The following ERC1 variants were observed in gnomAD, a reference collection of about 807,000 sequenced individuals.
The protein encoded by ERC1 is RAB6 interacting protein 2.
ERC1 carries 56 observed loss-of-function variants against 132.0 expected under a neutral mutation model. The observed-to-expected ratio is 0.42, with a 90% CI of 0.34 to 0.53. ERC1 has a LOEUF of 0.53. Among genes scored for constraint, ERC1 ranks in the 20% least tolerant of loss-of-function variants. ERC1 has a pLI of 0.03. For synonymous variants in ERC1, 478 were observed against 476.1 expected, an observed-to-expected ratio of 1.00 and a Z score of -0.05; for missense variants, 1,202 against 1,349.9, an observed-to-expected ratio of 0.89 and a Z score of 1.72.
intron 15 of ERC1, among the ~76,000 whole-genome samples, chr12:1,354,803 C>T (rs1030712150): frequency 6.6e-5 from 10 of 152,170 alleles, no homozygotes; most frequent in African/African-American, 1.7e-4. Flanking sequence ...GGAGTGCGCC[C>T]GGCTAGTTTT....
chr12:1,458,753 G>A (rs973804160), intron 18 of ERC1, among the ~76,000 whole-genome samples: 3 of 152,096 alleles, frequency 2.0e-5, no homozygotes, highest in African/African-American at 7.2e-5. Context: ...GGTCAGGCTG[G>A]TCTTGAGCTC....
chr12:1,417,809 AAG>A (rs1161687163), intron 17 of ERC1, among the ~76,000 whole-genome samples: 1 of 152,130 alleles, frequency 6.6e-6, no homozygotes, highest in Non-Finnish European at 1.5e-5. Context: ...GATTTTGGAA[AAG>A]AGTTATTTTT....
At chr12:1,198,299 G>A (rs1345158009) in intron 12 of ERC1, among the ~76,000 whole-genome samples, 2 of 152,134 alleles carry the variant, frequency 1.3e-5, no homozygotes, top group African/African-American at 2.4e-5. Context: ...TAGCTTGGGA[G>A]GTTATTTGGT....
chr12:1,314,681 A>G (rs749201226), intron 15 of ERC1, among the ~76,000 whole-genome samples: 1 of 152,208 alleles, frequency 6.6e-6, no homozygotes, highest in Non-Finnish European at 1.5e-5. Flanking sequence ...TAAGAAGTAA[A>G]TATGTAATTT....
chr12:1,091,553 C>T (rs779048867), intron 3 of ERC1, among the ~76,000 whole-genome samples: 2 of 152,132 alleles, frequency 1.3e-5, no homozygotes, highest in Non-Finnish European at 2.9e-5. Flanking sequence ...ATTCACTTAT[C>T]ACGTATTTAC....
chr12:1,494,586 G>A lies in ERC1; in HGVS notation c.*4356G>A, dbSNP rs2094344874. Reference sequence around the variant, plus strand: ...CAACTGTCTCCTGATTTTTTCCAATGTGTTTGGCAAGTGCTGTGGCCCTGT... The same window carrying A: ...CAACTGTCTCCTGATTTTTTCCAATATGTTTGGCAAGTGCTGTGGCCCTGT... On this transcript the variant is annotated 3_prime_UTR_variant, in exon 19 of 19. Transcript: ENST00000360905. The A allele has an allele frequency of 4.3e-6, 1 of 230,902 alleles. No individual in the cohort carries two copies. Among genetic ancestry groups the A allele is most frequent in the African/African-American group, 2.2e-5 (1 of 45,198 alleles). The allele number at this position is 230,902 out of a possible 1,614,324, so 14.3% of individuals were successfully genotyped here.
At chr12:1,482,174 C>G (rs943537936) in intron 18 of ERC1, among the ~76,000 whole-genome samples, 1 of 152,144 alleles carries the variant, frequency 6.6e-6, no homozygotes. Context: ...GGAATCGCTT[C>G]CATCAAGATC....
chr12:1,217,052 ATAAAAGTGCTCCG>A (rs1318413629), intron 12 of ERC1, among the ~76,000 whole-genome samples: 1 of 152,248 alleles, frequency 6.6e-6, no homozygotes, highest in African/African-American at 2.4e-5. Flanking sequence ...GCTTTGCTCC[ATAAAAGTGCTCCG>A]TGCTTTCCTC....
chr12:1,475,080 A>G (rs1190500278), intron 18 of ERC1, among the ~76,000 whole-genome samples: 1 of 152,198 alleles, frequency 6.6e-6, no homozygotes, highest in African/African-American at 2.4e-5. Flanking sequence ...AAAGCCAGAG[A>G]ATTTCTGCCA....
intron 15 of ERC1, among the ~76,000 whole-genome samples, chr12:1,311,579 A>G (rs913576260): frequency 2.6e-5 from 4 of 152,098 alleles, no homozygotes; most frequent in African/African-American, 9.7e-5. Context: ...TCCCGTGAGC[A>G]TCTGAAACAG....
chr12:1,264,668 A>C (rs77687662), intron 14 of ERC1, among the ~76,000 whole-genome samples: 5 of 146,292 alleles, frequency 3.4e-5, no homozygotes, highest in Non-Finnish European at 7.6e-5. Flanking sequence ...TGTCTCAAAC[A>C]AAAAAAAAAA....
intron 8 of ERC1, among the ~76,000 whole-genome samples, chr12:1,169,476 G>A (rs910015585): frequency 6.6e-6 from 1 of 152,224 alleles, no homozygotes; most frequent in East Asian, 1.9e-4. Flanking sequence ...CAGCTGAATC[G>A]CTCCCTCTGT....
chr12:1,421,154 A>G (rs1250535992), intron 17 of ERC1, among the ~76,000 whole-genome samples: 1 of 152,184 alleles, frequency 6.6e-6, no homozygotes, highest in African/African-American at 2.4e-5. Flanking sequence ...TGAAAAATAC[A>G]TAACAAATTG....
chr12:1,154,437 T>C (rs910117313), intron 8 of ERC1, among the ~76,000 whole-genome samples: 3 of 151,702 alleles, frequency 2.0e-5, no homozygotes, highest in Non-Finnish European at 4.4e-5. Context: ...AGACTTAATC[T>C]AAGACCCGAA....
intron 15 of ERC1, among the ~76,000 whole-genome samples, chr12:1,343,110 C>A (rs2084082160): frequency 6.6e-6 from 1 of 152,180 alleles, no homozygotes; most frequent in South Asian, 2.1e-4. Flanking sequence ...CCTGTTTTGA[C>A]AGACAGGAGT....
intron 9 of ERC1, 136 bp downstream of exon 9, chr12:1,180,813 G>A: frequency 9.6e-7 from 1 of 1,039,016 alleles, no homozygotes; most frequent in Non-Finnish European, 1.4e-6. Context: ...CATACGTAGT[G>A]TGAAGGGAAA....
intron 1 of ERC1, among the ~76,000 whole-genome samples, chr12:1,016,204 A>G (rs1965475455): frequency 6.6e-6 from 1 of 152,214 alleles, no homozygotes; most frequent in Admixed American, 6.5e-5. Flanking sequence ...AATTTCACAT[A>G]TAATTATTTA....
intron 15 of ERC1, among the ~76,000 whole-genome samples, chr12:1,307,149 A>G (rs1376035053): frequency 1.3e-5 from 2 of 152,228 alleles, no homozygotes; most frequent in African/African-American, 4.8e-5. Context: ...TCTTAAAGGG[A>G]AAGATAAATC....
intron 4 of ERC1, among the ~76,000 whole-genome samples, chr12:1,105,360 TTTA>T (rs1565975829): frequency 6.6e-6 from 1 of 152,112 alleles, no homozygotes; most frequent in African/African-American, 2.4e-5. Flanking sequence ...TTTATTATTT[TTTA>T]TTTTTATTTT....
Sources: gnomAD v4.1 joint callset for allele counts (sites outside exome capture counted in the v4.1 genomes callset) on GRCh38, gnomAD v4.1.1 for gene constraint, MANE v1.5 for transcripts, NCBI Gene and HGNC (gene_info 2026-07-23, HGNC 2026-07-21) for gene names.